SMARCD1: variants seen among roughly 807,000 people sequenced by gnomAD.
SMARCD1 encodes the protein SWI/SNF related BAF chromatin remodeling complex subunit D1, also known as SWI/SNF-related matrix-associated actin-dependent regulator of chromatin subfamily D member 1.
Under a neutral mutation model 70.8 loss-of-function variants are expected in SMARCD1, and 16 were observed. The observed-to-expected ratio is 0.23, with a 90% CI of 0.15 to 0.34. The LOEUF (loss-of-function observed/expected upper bound fraction) is 0.34, where lower values mean the gene tolerates loss of function less well. Ranked by LOEUF, SMARCD1 falls within the 10% of genes least tolerant of loss-of-function variation. The pLI, the probability that SMARCD1 is intolerant of heterozygous loss-of-function variation, is 1.00. For synonymous variants in SMARCD1, 249 were observed against 246.0 expected (o/e 1.01, Z -0.11); for missense variants, 409 against 655.5 (o/e 0.62, Z 4.11).
At chr12:50,096,166 T>C (rs1233453948) in intron 10 of SMARCD1, among the ~76,000 whole-genome samples, 2 of 152,068 alleles carry the variant, frequency 1.3e-5, no homozygotes, top group Non-Finnish European at 1.5e-5. Flanking sequence ...CAAGGTGGAA[T>C]TGAAGGAATT....
chr12:50,090,793 CTAAT>C (rs1343878014), intron 9 of SMARCD1, among the ~76,000 whole-genome samples: 4 of 147,934 alleles, frequency 2.7e-5, no homozygotes, highest in African/African-American at 1.0e-4. Context: ...GTATAACTTC[CTAAT>C]TATTACATTT....
At chr12:50,094,630 C>T in intron 10 of SMARCD1, 58 bp downstream of exon 10, 1 of 1,530,520 alleles carries the variant, frequency 6.5e-7, no homozygotes. Context: ...AGCTTCAAGG[C>T]CTCCTTTTGA....
rs753187860 is a variant in SMARCD1 at position 50,096,880 on chromosome 12, C to T, written c.1300C>T (p.Leu434=). 3.7e-6 allele frequency: 6 copies of T among 1,613,458 alleles called. No individual in the cohort carries two copies. The highest frequency in any genetic ancestry group is 5.1e-6 in the Non-Finnish European group (6 of 1,179,530). ...IHETIETINQ[L]KTQREFMLSF... ...TGAGACAATAGAAACCATCAACCAG[C>T]TGAAGACTCAGCGGGAGTTCATGCT... The change falls in exon 11 of 13, where the codon CTG becomes TTG. Residue 434 remains leucine (L), a synonymous_variant. Transcript: ENST00000394963.
At chr12:50,094,410 A>G in intron 9 of SMARCD1, 27 bp from the exon 10 acceptor site, 1 of 1,609,746 alleles carries the variant, frequency 6.2e-7, no homozygotes, top group Non-Finnish European at 8.5e-7. Flanking sequence ...CAAGCTCTTT[A>G]CCAGGCTCCT....
chr12:50,092,235 C>CTTTTTTTTTTTTTTTTT (rs60619880), intron 9 of SMARCD1, among the ~76,000 whole-genome samples: 18 of 91,156 alleles, frequency 2.0e-4, no homozygotes, highest in South Asian at 4.1e-4. Context: ...TTCTTTCTTT[C>CTTTTTTTTTTTTTTTTT]TTTTTTTTTT....
Position 50,099,676 on chromosome 12 carries a change from C to G in SMARCD1, c.*676C>G, listed in dbSNP as rs907164381. ...TCTTTATTGCTCCCTCCCAGACACT[C>G]CCTGTGGCTGCCCTTTGTGATTCCC... On this transcript the variant is annotated 3_prime_UTR_variant, in exon 13 of 13. Transcript: ENST00000394963. 9.6e-6 allele frequency: 2 copies of G among 207,908 alleles called. No individual in the cohort carries two copies. Among genetic ancestry groups the G allele is most frequent in the African/African-American group, 4.6e-5 (2 of 43,768 alleles). The allele number at this position is 207,908 out of a possible 1,614,324, so 12.9% of individuals were successfully genotyped here.
Position 50,086,499 on chromosome 12 carries a change from G to GGTGGTGGTGGTGGTGGTGGTA in SMARCD1, c.366-120_366-119insGGTGGTGGTGGTGGTGGTAGT. 4.3e-6 allele frequency: 5 copies of GGTGGTGGTGGTGGTGGTGGTA among 1,160,214 alleles called. No homozygotes were observed. The Admixed American group carries it at 5.9e-5, about 14-fold the overall frequency. The allele number at this position is 1,160,214 out of a possible 1,614,324, so 71.9% of individuals were successfully genotyped here. ...AATGCTTGGTGGTGGTGGTGGTGGT[G>GGTGGTGGTGGTGGTGGTGGTA]GTAGTTCTTTGAGAGAAGCTTTGCA... is the stretch of plus-strand genomic sequence containing the variant. On this transcript the variant is annotated intron_variant, in intron 2 of 12. Coordinates refer to ENST00000394963, the MANE Select transcript of SMARCD1 (RefSeq NM_003076.5).
chr12:50,086,904 G>C, intron 4 of SMARCD1, 26 bp downstream of exon 4: 2 of 1,611,258 alleles, frequency 1.2e-6, no homozygotes, highest in Non-Finnish European at 1.7e-6. Context: ...ACTAGGCAGA[G>C]AGCCAAAGGA....
At chr12:50,089,748 T>A (rs1005521383) in intron 6 of SMARCD1, 136 bp from the exon 7 acceptor site, 5 of 609,234 alleles carry the variant, frequency 8.2e-6, no homozygotes, top group African/African-American at 7.4e-5. Flanking sequence ...TGCAGTTTTT[T>A]AAAATGCCTC....
chr12:50,098,386 T>C, intron 11 of SMARCD1: 1 of 334,258 alleles, frequency 3.0e-6, no homozygotes, highest in Non-Finnish European at 5.6e-6. Context: ...CAGCTTCTGG[T>C]ACCTCAGGCA....
Position 50,100,259 on chromosome 12 carries a change from CAA to C in SMARCD1, c.*1261_*1262del, listed in dbSNP as rs1178706795. 6.6e-6 allele frequency: 1 copy of C among 152,620 alleles called. No homozygotes were observed. Among genetic ancestry groups the C allele is most frequent in the African/African-American group, 2.4e-5 (1 of 41,416 alleles). The allele number at this position is 152,620 out of a possible 1,614,324, so 9.5% of individuals were successfully genotyped here. ...AGCAAGGGTGGGAGACAGCTGGGCACAAAGGGGGAATTCCGTTCAGCATGGGC... is the reference window on the plus strand; with the variant it reads ...AGCAAGGGTGGGAGACAGCTGGGCACAGGGGGAATTCCGTTCAGCATGGGC... On this transcript the variant is annotated 3_prime_UTR_variant, in exon 13 of 13. Coordinates refer to ENST00000394963, the MANE Select transcript of SMARCD1 (RefSeq NM_003076.5).
intron 9 of SMARCD1, among the ~76,000 whole-genome samples, chr12:50,093,207 C>T (rs970369518): frequency 1.3e-5 from 2 of 151,698 alleles, no homozygotes; most frequent in South Asian, 4.2e-4. Context: ...TTTGTTTAAA[C>T]ATACAGAGTC....
rs779479858 is a variant in SMARCD1, at chr12:50,090,533, A to C, written c.1076A>C (p.Gln359Pro). 1 of 1,614,148 alleles carries C rather than the reference A, an allele frequency of 6.2e-7. No homozygotes were observed. The highest frequency in any genetic ancestry group is 1.1e-5 in the South Asian group (1 of 91,082). The change falls in exon 9 of 13, where the codon CAG becomes CCG. Residue 359 changes from glutamine to proline, a missense_variant. By Grantham distance (76) the Gln-to-Pro change is moderately conservative (BLOSUM62 -1). Around this residue, in one of 2 missense-constraint regions of SMARCD1, gnomAD observed 269 missense variants for 498.6 expected, o/e 0.54. Transcript: ENST00000394963. ...CGTATGAAGTTTTCAGAGATCCCTCAGCGGCTCCATGCCTTGCTTATGCCA... is the reference window on the plus strand; with the variant it reads ...CGTATGAAGTTTTCAGAGATCCCTCCGCGGCTCCATGCCTTGCTTATGCCA... The part of the protein sequence containing the change: ...SQRMKFSEIP[Q>P]RLHALLMPPE...
At chr12:50,093,100 G>A (rs55966240) in intron 9 of SMARCD1, among the ~76,000 whole-genome samples, 2 of 151,586 alleles carry the variant, frequency 1.3e-5, no homozygotes, top group African/African-American at 2.4e-5. Context: ...CACTTGAACC[G>A]GGGAGGCAGA....
chr12:50,091,319 A>G (rs1950841511), intron 9 of SMARCD1, among the ~76,000 whole-genome samples: 1 of 148,502 alleles, frequency 6.7e-6, no homozygotes, highest in Middle Eastern at 3.2e-3. Context: ...CTTGTTATGC[A>G]GGCTGGAGTG....
Position 50,099,438 on chromosome 12 carries a change from T to C in SMARCD1, c.*438T>C. On this transcript the variant is annotated 3_prime_UTR_variant, in exon 13 of 13. Coordinates refer to ENST00000394963, the MANE Select transcript of SMARCD1 (RefSeq NM_003076.5). ...TGTGGGCACTCTATAAGCTAGTTGA[T>C]CTTGGCTCTCCTGATAACAGAATCC... 4.8e-6 allele frequency: 2 copies of C among 412,650 alleles called. No individual in the cohort carries two copies. The highest frequency in any genetic ancestry group is 8.0e-5 in the Admixed American group (2 of 25,086). 25.6% of individuals were successfully genotyped at this position (412,650 alleles called of 1,614,324 possible).
rs79166433 is a variant in SMARCD1, at chr12:50,089,663, G to C, written c.772-221G>C. On this transcript the variant is annotated intron_variant, in intron 6 of 12. Transcript: ENST00000394963. ...GTGGATAAAATTATCACTGGACATTGAGGCTTATTTAAATCAACCACAAAC... is the reference window on the plus strand; with the variant it reads ...GTGGATAAAATTATCACTGGACATTCAGGCTTATTTAAATCAACCACAAAC... Among the ~76,000 whole-genome samples the C allele has an allele frequency of 0.039, 6,000 of 152,304 alleles. 399 individuals are homozygous for C. Among genetic ancestry groups the C allele is most frequent in the African/African-American group, 0.13 (5,589 of 41,532 alleles).
intron 9 of SMARCD1, among the ~76,000 whole-genome samples, chr12:50,093,708 G>A (rs961168936): frequency 3.3e-5 from 5 of 151,982 alleles, no homozygotes; most frequent in Non-Finnish European, 7.4e-5. Flanking sequence ...TCTCAAACTC[G>A]TGGGCTCAAG....
intron 6 of SMARCD1, 91 bp from the exon 7 acceptor site, chr12:50,089,793 A>T: frequency 1.1e-6 from 1 of 896,082 alleles, no homozygotes; most frequent in Non-Finnish European, 1.8e-6. Flanking sequence ...CTCAGTAATC[A>T]AAGTTGAATA....
Sources: gnomAD v4.1 joint callset for allele counts (sites outside exome capture counted in the v4.1 genomes callset) on GRCh38, gnomAD v4.1.1 for gene constraint, gnomAD v4.1.1 regional missense constraint, MANE v1.5 for transcripts, NCBI Gene and HGNC (gene_info 2026-07-23, HGNC 2026-07-21) for gene names.